CCDC69: variants seen among roughly 807,000 people sequenced by gnomAD.
The protein encoded by CCDC69 is coiled-coil domain-containing protein 69.
Under a neutral mutation model 40.3 loss-of-function variants are expected in CCDC69, and 38 were observed. That is an observed-to-expected ratio of 0.94 (90% confidence interval 0.73 to 1.24). The LOEUF is 1.24. Among genes scored for constraint, CCDC69 ranks in the 50% most tolerant of loss-of-function variants. The pLI, the probability that CCDC69 is intolerant of heterozygous loss-of-function variation, is 0.00. For synonymous variants in CCDC69, 141 were observed against 138.9 expected (o/e 1.02, Z -0.11); for missense variants, 389 against 357.9 (o/e 1.09, Z -0.70).
chr5:151,210,370 C>A (rs1469831700), intron 1 of CCDC69, among the ~76,000 whole-genome samples: 1 of 151,934 alleles, frequency 6.6e-6, no homozygotes, highest in Non-Finnish European at 1.5e-5. Context: ...CTGTGAAACC[C>A]CGTCTCTACT....
chr5:151,184,682 A>G, intron 7 of CCDC69: 2 of 434,418 alleles, frequency 4.6e-6, no homozygotes, highest in Non-Finnish European at 8.3e-6. Context: ...TCATTTCACC[A>G]TGAGTTCATG....
At chr5:151,187,788 C>T (rs887565465) in intron 4 of CCDC69, among the ~76,000 whole-genome samples, 13 of 152,198 alleles carry the variant, frequency 8.5e-5, no homozygotes, top group African/African-American at 2.7e-4. Context: ...CCTCGGGCCA[C>T]GGAAAATGCA....
rs112849617 is a variant in CCDC69, at chr5:151,218,668, T to C, written c.48+5255A>G. The stretch of plus-strand genomic sequence containing the variant: ...ACCAGAGTTTCACTGTCTTGATTTA[T>C]ATAGCAGCCTGTTTCTGTGCAATTA... On this transcript the variant is annotated intron_variant, in intron 1 of 8. Coordinates refer to ENST00000355417, the MANE Select transcript of CCDC69 (RefSeq NM_015621.3). Among the ~76,000 whole-genome samples, 236 of 152,334 alleles carry C rather than the reference T, an allele frequency of 1.5e-3. 4 individuals are homozygous for C. The highest frequency in any genetic ancestry group is 5.4e-3 in the African/African-American group (223 of 41,576).
intron 4 of CCDC69, among the ~76,000 whole-genome samples, chr5:151,198,300 A>G (rs1752729025): frequency 8.3e-6 from 1 of 121,026 alleles, no homozygotes; most frequent in Non-Finnish European, 1.8e-5. Context: ...TGATCTATCT[A>G]TCTATCTATC....
In CCDC69 at chr5:151,182,561, A is replaced by AT; in HGVS notation, c.*875dup. The AT allele has an allele frequency of 6.1e-6, 1 of 163,416 alleles. No homozygotes were observed. The highest frequency in any genetic ancestry group is 1.8e-4 in the East Asian group (1 of 5,550). 10.1% of individuals were successfully genotyped at this position (163,416 alleles called of 1,614,324 possible). ...GACCCGGATGACAGATGAGATCTAG[A>AT]TTCGACTCTGGGAACTGCTCCATGC... On this transcript the variant is annotated 3_prime_UTR_variant, in exon 9 of 9. Transcript: ENST00000355417.
chr5:151,205,348 G>T, intron 2 of CCDC69, 52 bp downstream of exon 2: 1 of 1,346,478 alleles, frequency 7.4e-7, no homozygotes, highest in Non-Finnish European at 1.1e-6. Flanking sequence ...TTGATTATAA[G>T]GTAGGAACCT....
At chr5:151,194,681 T>G (rs1752669503) in intron 4 of CCDC69, among the ~76,000 whole-genome samples, 1 of 151,694 alleles carries the variant, frequency 6.6e-6, no homozygotes, top group Non-Finnish European at 1.5e-5. Context: ...GATCACGAGG[T>G]CAGGAGTTGA....
chr5:151,197,916 T>C (rs1264371950), intron 4 of CCDC69, among the ~76,000 whole-genome samples: 1 of 152,218 alleles, frequency 6.6e-6, no homozygotes, highest in Non-Finnish European at 1.5e-5. Context: ...TAGAAGAGTT[T>C]AATGACAGGA....
chr5:151,203,685 TAAA>T lies in CCDC69; in HGVS notation c.124+1712_124+1714del, dbSNP rs1752808903. On this transcript the variant is annotated intron_variant, in intron 2 of 8. Transcript: ENST00000355417. ...TATATATAAAAAATAGTATATATAA[TAAA>T]ATATATATAGTATATATATTATATA... is the stretch of plus-strand genomic sequence containing the variant. 2.2e-5 allele frequency among the ~76,000 whole-genome samples: 3 copies of T among 136,260 alleles called. No homozygotes were observed. The Admixed American group carries it at 2.3e-4, about 10-fold the overall frequency. 89.4% of individuals were successfully genotyped at this position (136,260 alleles called of 152,430 possible).
rs180701365 is a variant in CCDC69, at chr5:151,183,592, G to C, written c.736C>G (p.Leu246Val). 316 of 1,611,738 alleles carry C rather than the reference G, an allele frequency of 2.0e-4. 1 individual carries two copies. The highest frequency in any genetic ancestry group is 1.5e-3 in the Middle Eastern group (9 of 5,942). The change falls in exon 9 of 9, where the codon CTC becomes GTC. Residue 246 changes from leucine (L) to valine (V), a missense_variant. Leu to Val is a conservative substitution (Grantham distance 32). Coordinates refer to ENST00000355417, the MANE Select transcript of CCDC69 (RefSeq NM_015621.3). The part of the protein sequence containing the change: ...LSRQLSEDLL[L>V]TREALEKEVQ... ...TCCTTCTCCAGGGCCTCACGCGTGA[G>C]AAGCAGGTCTTCTGACAGCTGCCTG... is the stretch of plus-strand genomic sequence containing the variant.
chr5:151,218,742 AG>A (rs1753090675), intron 1 of CCDC69, among the ~76,000 whole-genome samples: 1 of 152,258 alleles, frequency 6.6e-6, no homozygotes. Flanking sequence ...AAAGAAACAC[AG>A]TGCTGACATG....
intron 2 of CCDC69, among the ~76,000 whole-genome samples, chr5:151,202,874 C>T (rs982627024): frequency 6.6e-6 from 1 of 152,094 alleles, no homozygotes; most frequent in Admixed American, 6.6e-5. Context: ...ATTATGGCAC[C>T]TACCACATGA....
chr5:151,208,461 A>T (rs1752884185), intron 1 of CCDC69, among the ~76,000 whole-genome samples: 1 of 152,228 alleles, frequency 6.6e-6, no homozygotes, highest in Non-Finnish European at 1.5e-5. Context: ...GGCATGTGTA[A>T]GCCCCTGGAG....
At chr5:151,211,514 T>A (rs1317218868) in intron 1 of CCDC69, among the ~76,000 whole-genome samples, 2 of 147,246 alleles carry the variant, frequency 1.4e-5, no homozygotes, top group African/African-American at 5.1e-5. Context: ...GGAATTTGCA[T>A]CTGCTTTTTT....
At chr5:151,186,185 TTCGCCACATCCCAGAGGGAGAACG>T in intron 5 of CCDC69, 61 bp from the exon 6 acceptor site, 1 of 1,145,136 alleles carries the variant, frequency 8.7e-7, no homozygotes, top group Non-Finnish European at 1.3e-6. Context: ...GTAGGTGAAC[TTCGCCACATCCCAGAGGGAGAACG>T]GTTTTGGGTT....
At chr5:151,193,342 C>CA (rs35463341) in intron 4 of CCDC69, among the ~76,000 whole-genome samples, 4,904 of 77,390 alleles carry the variant, frequency 0.063, 127 homozygotes, top group Admixed American at 0.08. Context: ...CTCATTTCTA[C>CA]AAAAAAAAAA....
intron 1 of CCDC69, among the ~76,000 whole-genome samples, chr5:151,207,676 A>T (rs1370008782): frequency 2.0e-5 from 3 of 152,214 alleles, no homozygotes; most frequent in Non-Finnish European, 4.4e-5. Context: ...GCTTAAGAAC[A>T]GTCTTCCAGG....
chr5:151,216,905 A>G (rs1325445486), intron 1 of CCDC69, among the ~76,000 whole-genome samples: 2 of 152,184 alleles, frequency 1.3e-5, no homozygotes, highest in Non-Finnish European at 2.9e-5. Flanking sequence ...CATTGTTAGA[A>G]TGATGAATAC....
At chr5:151,189,557 G>A (rs773054139) in intron 4 of CCDC69, among the ~76,000 whole-genome samples, 1 of 151,594 alleles carries the variant, frequency 6.6e-6, no homozygotes, top group African/African-American at 2.4e-5. Context: ...GAGGAAAAAG[G>A]GTGCAGTGCA....
Sources: allele counts gnomAD v4.1 joint callset (sites outside exome capture counted in the v4.1 genomes callset), GRCh38; gene constraint gnomAD v4.1.1; transcripts MANE v1.5; gene names NCBI Gene and HGNC (gene_info 2026-07-23, HGNC 2026-07-21).